Variants in PEAK1 observed in about 807,000 individuals in gnomAD.
The protein encoded by PEAK1 is pseudopodium enriched atypical kinase 1.
A neutral mutation model predicts 124.7 loss-of-function variants in PEAK1; 54 were observed. The observed-to-expected ratio is 0.43, with a 90% confidence interval of 0.35 to 0.54. The LOEUF is 0.54. PEAK1 is among the 20% of genes least tolerant of loss of function. The pLI is 0.01. For synonymous variants in PEAK1, 719 were observed against 760.0 expected, an observed-to-expected ratio of 0.95 and a Z score of 0.89; for missense variants, 2,046 against 2,134.5, an observed-to-expected ratio of 0.96 and a Z score of 0.82.
intron 6 of PEAK1, among the ~76,000 whole-genome samples, chr15:77,191,925 G>A (rs1252872834): frequency 2.6e-5 from 4 of 152,122 alleles, no homozygotes; most frequent in African/African-American, 9.7e-5. Context: ...TGACCCTGTG[G>A]TCTGTATAGA....
intron 5 of PEAK1, among the ~76,000 whole-genome samples, chr15:77,273,635 AAAAC>A (rs1451505141): frequency 6.6e-6 from 1 of 152,176 alleles, no homozygotes; most frequent in African/African-American, 2.4e-5. Flanking sequence ...TATAGATGAC[AAAAC>A]AAATAGAAAC....
intron 6 of PEAK1, among the ~76,000 whole-genome samples, chr15:77,249,257 TAGACAG>T (rs140697074): frequency 0.017 from 2,579 of 152,274 alleles, 80 homozygotes; most frequent in African/African-American, 0.059. Flanking sequence ...TTTAAGATTG[TAGACAG>T]AGACAGATAT....
At chr15:77,127,613 A>G (rs2052492789) in intron 9 of PEAK1, among the ~76,000 whole-genome samples, 2 of 152,244 alleles carry the variant, frequency 1.3e-5, no homozygotes, top group Admixed American at 1.3e-4. Context: ...TGTAGAAGAC[A>G]AAACTTGCAA....
chr15:77,377,862 G>T (rs927831720), intron 1 of PEAK1, among the ~76,000 whole-genome samples: 2 of 152,058 alleles, frequency 1.3e-5, no homozygotes. Flanking sequence ...TTAGTGCCTG[G>T]AATAACTTCC....
chr15:77,129,035 G>A (rs1209783025), intron 9 of PEAK1, among the ~76,000 whole-genome samples: 1 of 152,170 alleles, frequency 6.6e-6, no homozygotes, highest in Non-Finnish European at 1.5e-5. Context: ...TACCTACAAA[G>A]AGGTAATTAA....
At chr15:77,265,108 G>A (rs2152945817) in intron 5 of PEAK1, among the ~76,000 whole-genome samples, 1 of 152,234 alleles carries the variant, frequency 6.6e-6, no homozygotes, top group African/African-American at 2.4e-5. Context: ...ATCAATTCAA[G>A]ATGGATTAAA....
At chr15:77,300,098 A>G (rs1370657238) in intron 2 of PEAK1, among the ~76,000 whole-genome samples, 1 of 152,180 alleles carries the variant, frequency 6.6e-6, no homozygotes, top group African/African-American at 2.4e-5. Flanking sequence ...CAGCCCTAGA[A>G]TCAGTCATTG....
intron 8 of PEAK1, among the ~76,000 whole-genome samples, chr15:77,150,105 T>C (rs2054474007): frequency 6.6e-6 from 1 of 152,194 alleles, no homozygotes; most frequent in Non-Finnish European, 1.5e-5. Flanking sequence ...ATCTTTCTGA[T>C]AGGGCATCTA....
intron 7 of PEAK1, among the ~76,000 whole-genome samples, chr15:77,172,916 C>G (rs551425939): frequency 4.8e-4 from 73 of 152,152 alleles, no homozygotes; most frequent in African/African-American, 1.7e-3. Flanking sequence ...CCATGCCCAG[C>G]TAATTTTTAA....
At chr15:77,178,628 A>G (rs2057031960) in intron 7 of PEAK1, 162 bp downstream of exon 7, 1 of 738,968 alleles carries the variant, frequency 1.4e-6, no homozygotes, top group African/African-American at 1.8e-5. Flanking sequence ...GATCACTTTA[A>G]TACTATTCTA....
Position 77,384,962 on chromosome 15 carries a change from C to T in PEAK1, c.-665-19737G>A, listed in dbSNP as rs1165150004. Among the ~76,000 whole-genome samples the T allele has an allele frequency of 2.6e-5, 4 of 152,266 alleles. No individual in the cohort carries two copies. In the East Asian group the frequency reaches 7.7e-4, roughly 29 times the overall value. ...GATAAAATCCCCTCACCACTGTCTT[C>T]ACTGTTCATCTATGAAATAAAGGTG... On this transcript the variant is annotated intron_variant, in intron 1 of 9. Transcript: ENST00000682557.
At chr15:77,366,828 C>T (rs1367403331) in intron 1 of PEAK1, among the ~76,000 whole-genome samples, 1 of 152,176 alleles carries the variant, frequency 6.6e-6, no homozygotes, top group East Asian at 1.9e-4. Context: ...TCCCAAAGTG[C>T]TGGGATTACA....
chr15:77,417,454 C>T (rs1035713089), intron 1 of PEAK1: 33 of 171,260 alleles, frequency 1.9e-4, no homozygotes, highest in Middle Eastern at 3.3e-3. Flanking sequence ...TGGGGGGATG[C>T]GGGGCGGGGG....
intron 6 of PEAK1, among the ~76,000 whole-genome samples, chr15:77,200,295 T>G (rs771878417): frequency 6.6e-6 from 1 of 152,246 alleles, no homozygotes; most frequent in Non-Finnish European, 1.5e-5. Flanking sequence ...ATCGTACATA[T>G]AGAATACAAA....
chr15:77,253,921 C>T (rs1008779705), intron 5 of PEAK1, among the ~76,000 whole-genome samples: 6 of 152,132 alleles, frequency 3.9e-5, no homozygotes, highest in African/African-American at 1.2e-4. Flanking sequence ...TGGGTTGAAG[C>T]GATTCTCCTG....
chr15:77,381,341 G>A, intron 1 of PEAK1: 1 of 776,734 alleles, frequency 1.3e-6, no homozygotes, highest in Admixed American at 6.3e-5. Flanking sequence ...CTTGAGGCCA[G>A]GAGTTAATGG....
chr15:77,268,306 C>A (rs557939046), intron 5 of PEAK1, among the ~76,000 whole-genome samples: 1 of 152,234 alleles, frequency 6.6e-6, no homozygotes, highest in East Asian at 1.9e-4. Context: ...GAAACCCCAT[C>A]TCTCCTAAAA....
chr15:77,213,651 T>G (rs2059009020), intron 6 of PEAK1, among the ~76,000 whole-genome samples: 1 of 152,026 alleles, frequency 6.6e-6, no homozygotes, highest in African/African-American at 2.4e-5. Context: ...ATCGCATCAC[T>G]GCACTCCAGC....
At chr15:77,262,584 T>C (rs1202851451) in intron 5 of PEAK1, among the ~76,000 whole-genome samples, 1 of 151,622 alleles carries the variant, frequency 6.6e-6, no homozygotes, top group African/African-American at 2.4e-5. Context: ...ATGCACCCAA[T>C]ACAGGAGCAC....
Sources: allele counts gnomAD v4.1 joint callset (sites outside exome capture counted in the v4.1 genomes callset), GRCh38; gene constraint gnomAD v4.1.1; transcripts MANE v1.5; gene names NCBI Gene and HGNC (gene_info 2026-07-23, HGNC 2026-07-21).